Variants in DHRS1 observed in about 807,000 individuals in gnomAD.
DHRS1 encodes the protein dehydrogenase/reductase 1, also known as dehydrogenase/reductase SDR family member 1.
In DHRS1, 34 loss-of-function variants were observed where a neutral mutation model predicts 35.2. The observed-to-expected ratio is 0.97, with a 90% confidence interval of 0.74 to 1.29. The LOEUF (loss-of-function observed/expected upper bound fraction) is 1.29. Ranked by LOEUF, DHRS1 falls within the 50% of genes most tolerant of loss-of-function variation. The probability of loss-of-function intolerance (pLI) is 0.00; values close to 1 mark genes in which losing one functional copy is unlikely to be tolerated. For synonymous variants in DHRS1, 133 were observed against 160.0 expected, an observed-to-expected ratio of 0.83 and a Z score of 1.27; for missense variants, 354 against 403.6, an observed-to-expected ratio of 0.88 and a Z score of 1.05.
At chr14:24,291,535 C>G in intron 7 of DHRS1, 21 bp downstream of exon 7, 1 of 1,613,924 alleles carries the variant, frequency 6.2e-7, no homozygotes, top group South Asian at 1.1e-5. Context: ...TTTCTTATTA[C>G]CAGCTGCCCC....
chr14:24,298,520 G>A (rs986546368), intron 2 of DHRS1, among the ~76,000 whole-genome samples: 1 of 152,188 alleles, frequency 6.6e-6, no homozygotes, highest in East Asian at 1.9e-4. Flanking sequence ...ATAGAGGAAA[G>A]CACAGGTCCA....
chr14:24,297,696 C>T (rs1175630114), intron 2 of DHRS1, among the ~76,000 whole-genome samples: 1 of 152,032 alleles, frequency 6.6e-6, no homozygotes, highest in South Asian at 2.1e-4. Context: ...CTTCCAAGAC[C>T]CACTCTTTCC....
chr14:24,292,398 CT>C, intron 5 of DHRS1, 68 bp from the exon 6 acceptor site: 8 of 1,596,646 alleles, frequency 5.0e-6, no homozygotes, highest in African/African-American at 1.3e-5. Flanking sequence ...GCCCTCTCTG[CT>C]TCTACTGTGA....
chr14:24,299,593 C>T lies in DHRS1; in HGVS notation c.-37G>A. ...GTGCGCCGCTTACCTGCCACCTGCGCTGCCGCTGAGGTCTGCAGATTGCGG... is the reference window on the plus strand; with the variant it reads ...GTGCGCCGCTTACCTGCCACCTGCGTTGCCGCTGAGGTCTGCAGATTGCGG... On this transcript the variant is annotated 5_prime_UTR_variant, in exon 1 of 9. Transcript: ENST00000288111. The T allele has an allele frequency of 3.8e-6, 1 of 263,592 alleles. No homozygotes were observed. The highest frequency in any genetic ancestry group is 7.2e-6 in the Non-Finnish European group (1 of 138,024). The allele number at this position is 263,592 out of a possible 1,614,324, so 16.3% of individuals were successfully genotyped here.
In DHRS1 at chr14:24,299,760, CG is replaced by C; in HGVS notation, c.-205del. 1.6e-6 allele frequency: 1 copy of C among 616,478 alleles called. No individual in the cohort carries two copies. The highest frequency in any genetic ancestry group is 3.0e-5 in the East Asian group (1 of 33,724). 38.2% of individuals were successfully genotyped at this position (616,478 alleles called of 1,614,324 possible). On this transcript the variant is annotated 5_prime_UTR_variant, in exon 1 of 9. Coordinates refer to ENST00000288111, the MANE Select transcript of DHRS1 (RefSeq NM_001136050.3). ...AGTCCCAGGCCAAAGTTAGAACCTG[CG>C]GATGGGGGCGGAGCGATCTGGGTGA...
At chr14:24,297,876 G>A (rs2041280821) in intron 2 of DHRS1, among the ~76,000 whole-genome samples, 1 of 151,982 alleles carries the variant, frequency 6.6e-6, no homozygotes, top group African/African-American at 2.4e-5. Context: ...CCTCCTCCAG[G>A]ACGCTTTCCC....
Position 24,298,752 on chromosome 14 carries a change from A to G in DHRS1, c.150+205T>C, listed in dbSNP as rs2041308343. 6 of 649,644 alleles carry G rather than the reference A, an allele frequency of 9.2e-6. No individual in the cohort carries two copies. The East Asian group carries it at 1.9e-4, about 21-fold the overall frequency. The allele number at this position is 649,644 out of a possible 1,614,324, so 40.2% of individuals were successfully genotyped here. ...GTGCCACCATGCCTGGCTCAAACAC[A>G]AAGTTTTTTCATAAAACTCACTTGG... On this transcript the variant is annotated intron_variant, in intron 2 of 8. Transcript: ENST00000288111.
rs545199454 is a variant in DHRS1 at position 24,297,970 on chromosome 14, T to C, written c.150+987A>G. 7.9e-4 allele frequency among the ~76,000 whole-genome samples: 120 copies of C among 152,326 alleles called. 1 individual carries two copies. Among genetic ancestry groups the C allele is most frequent in the African/African-American group, 2.8e-3 (115 of 41,576 alleles). The stretch of plus-strand genomic sequence containing the variant: ...GTATTCTGTGCATATCTCCCTCTTA[T>C]AATTTACCATATTCACATTACATTG... On this transcript the variant is annotated intron_variant, in intron 2 of 8. Transcript: ENST00000288111.
chr14:24,298,798 T>C (rs2041309077), intron 2 of DHRS1, 159 bp downstream of exon 2: 3 of 990,110 alleles, frequency 3.0e-6, no homozygotes, highest in Non-Finnish European at 4.1e-6. Flanking sequence ...CTACCTTACC[T>C]GAAGTTATTT....
intron 4 of DHRS1, among the ~76,000 whole-genome samples, chr14:24,296,145 C>T (rs993208465): frequency 2.0e-5 from 3 of 152,158 alleles, no homozygotes; most frequent in Non-Finnish European, 4.4e-5. Flanking sequence ...TTAAGCTTCT[C>T]CCAGTCTAAA....
At position 24,292,266 on chromosome 14, in the gene DHRS1, A is replaced by G. The variant is rs1273838803; in HGVS notation, c.572T>C (p.Leu191Pro). 2 of 1,613,990 alleles carry G rather than the reference A, an allele frequency of 1.2e-6. No homozygotes were observed. The highest frequency in any genetic ancestry group is 1.7e-6 in the Non-Finnish European group (2 of 1,180,026). The change falls in exon 6 of 9, where the codon CTG becomes CCG. Residue 191 changes from leucine to proline, a missense_variant. Leu to Pro is a moderately conservative substitution (Grantham distance 98, BLOSUM62 -3). Coordinates refer to ENST00000288111, the MANE Select transcript of DHRS1 (RefSeq NM_001136050.3). ...TTCTGTCTGCACAATCCCCGGCCAC[A>G]GAGACACACAGCTGACCCCATGGCG... ...LRRHGVSCVS[L>P]WPGIVQTELL...
In DHRS1 at chr14:24,299,770, C is replaced by T; in HGVS notation, c.-214G>A. ...CAAAGTTAGAACCTGCGGATGGGGGCGGAGCGATCTGGGTGACACACCCAC... is the reference window on the plus strand; with the variant it reads ...CAAAGTTAGAACCTGCGGATGGGGGTGGAGCGATCTGGGTGACACACCCAC... On this transcript the variant is annotated 5_prime_UTR_variant, in exon 1 of 9. Transcript: ENST00000288111. The T allele has an allele frequency of 1.5e-6, 1 of 669,948 alleles. No homozygotes were observed. Among genetic ancestry groups the T allele is most frequent in the African/African-American group, 1.8e-5 (1 of 54,728 alleles). The allele number at this position is 669,948 out of a possible 1,614,324, so 41.5% of individuals were successfully genotyped here.
chr14:24,294,159 A>G (rs568422345), intron 4 of DHRS1: 16 of 152,356 alleles, frequency 1.1e-4, no homozygotes, highest in African/African-American at 3.6e-4. Context: ...GTGTTTATAA[A>G]CTTGAGGGAA....
At position 24,298,939 on chromosome 14, in the gene DHRS1, C is replaced by G. The variant is rs2041313499; in HGVS notation, c.150+18G>C. ...CTCGGGTGGTTTCTGCAACTGTGGT[C>G]CCAGAGGAAGCACTCACCTCCTGAG... On this transcript the variant is annotated intron_variant, in intron 2 of 8. Transcript: ENST00000288111. 2 of 1,592,572 alleles carry G rather than the reference C, an allele frequency of 1.3e-6. No individual in the cohort carries two copies. Among genetic ancestry groups the G allele is most frequent in the African/African-American group, 2.7e-5 (2 of 74,516 alleles).
rs193095681 is a variant in DHRS1, at chr14:24,299,085, G to A, written c.22C>T (p.Gln8Ter). The A allele has an allele frequency of 1.5e-4, 246 of 1,613,596 alleles. 1 individual carries two copies. In the East Asian group the frequency reaches 3.6e-3, roughly 23 times the overall value. The change falls in exon 2 of 9, where the codon CAA (glutamine) becomes TAA (stop). Residue 8 changes from glutamine to a stop codon, truncating the protein, a stop_gained. Transcript: ENST00000288111. LOFTEE classifies it high-confidence loss of function. MAAPMNG[Q>*]VCVVTGASRG... Reference sequence around the variant, plus strand: ...GAGGCACCAGTCACCACACACACTTGGCCATTCATGGGAGCTGCCATGACT... The same window carrying A: ...GAGGCACCAGTCACCACACACACTTAGCCATTCATGGGAGCTGCCATGACT...
At chr14:24,299,197 G>A in intron 1 of DHRS1, 67 bp from the exon 2 acceptor site, 1 of 1,436,166 alleles carries the variant, frequency 7.0e-7, no homozygotes, top group East Asian at 2.5e-5. Context: ...CGAGGTTGGG[G>A]GGTAGGGGAG....
At chr14:24,297,225 C>T (rs1290222832) in intron 2 of DHRS1, among the ~76,000 whole-genome samples, 1 of 152,204 alleles carries the variant, frequency 6.6e-6, no homozygotes, top group Non-Finnish European at 1.5e-5. Flanking sequence ...GCATCCTTTT[C>T]CTTGTTGTGG....
chr14:24,296,442 G>A (rs1438658319), intron 4 of DHRS1, 67 bp downstream of exon 4: 13 of 1,497,696 alleles, frequency 8.7e-6, no homozygotes, highest in Non-Finnish European at 1.2e-5. Context: ...GGCATGTAAG[G>A]AAAGGCCTGG....
At chr14:24,295,189 G>C (rs746171187) in intron 4 of DHRS1, among the ~76,000 whole-genome samples, 1 of 152,074 alleles carries the variant, frequency 6.6e-6, no homozygotes, top group Non-Finnish European at 1.5e-5. Flanking sequence ...AAGAATGAGA[G>C]ATATTTACAT....
Sources: allele counts gnomAD v4.1 joint callset (sites outside exome capture counted in the v4.1 genomes callset), GRCh38; gene constraint gnomAD v4.1.1; transcripts MANE v1.5; gene names NCBI Gene and HGNC (gene_info 2026-07-23, HGNC 2026-07-21).